The following PDZD2 variants were observed in gnomAD, a reference collection of about 807,000 sequenced individuals.
PDZD2 encodes PDZ domain-containing protein 2.
Under a neutral mutation model 220.7 loss-of-function variants are expected in PDZD2, and 90 were observed. The observed-to-expected ratio is 0.41, with a 90% confidence interval of 0.34 to 0.49. PDZD2 has a LOEUF of 0.49. PDZD2 is among the 20% of genes least tolerant of loss of function. The pLI, the probability that PDZD2 is intolerant of heterozygous loss-of-function variation, is 0.28. For missense variants in PDZD2, 3,174 were observed against 3,608.5 expected, an observed-to-expected ratio of 0.88 and a Z score of 3.08; for synonymous variants, 1,375 against 1,450.5, an observed-to-expected ratio of 0.95 and a Z score of 1.18.
chr5:31,749,802 G>A (rs1362790125), intron 1 of PDZD2, among the ~76,000 whole-genome samples: 2 of 152,150 alleles, frequency 1.3e-5, no homozygotes, highest in Non-Finnish European at 2.9e-5. Context: ...TTCCTGGGTT[G>A]CTCCACAGGC....
intron 2 of PDZD2, among the ~76,000 whole-genome samples, chr5:31,918,167 G>A (rs1743851944): frequency 6.6e-6 from 1 of 152,028 alleles, no homozygotes; most frequent in Admixed American, 6.6e-5. Flanking sequence ...AAGAGCAAGG[G>A]GGAGATCCAC....
intron 2 of PDZD2, among the ~76,000 whole-genome samples, chr5:31,917,652 A>G (rs6894306): frequency 0.92 from 140,662 of 152,352 alleles, 65,121 homozygotes; most frequent in East Asian, 0.98. Context: ...TTCTCACACT[A>G]CTCTAAAGAC....
intron 9 of PDZD2, among the ~76,000 whole-genome samples, chr5:32,053,314 A>G (rs948115188): frequency 3.3e-4 from 50 of 152,254 alleles, no homozygotes; most frequent in African/African-American, 1.2e-3. Flanking sequence ...AAAGGAAATG[A>G]TATGAATAAC....
chr5:31,917,663 A>T (rs1346327894), intron 2 of PDZD2, among the ~76,000 whole-genome samples: 1 of 152,224 alleles, frequency 6.6e-6, no homozygotes, highest in African/African-American at 2.4e-5. Context: ...CTCTAAAGAC[A>T]TACCTGAAGC....
rs3032803 is a variant in PDZD2, at chr5:31,752,073, G to GTTTTTTTTTT, written c.-360-46808_-360-46799dup. On this transcript the variant is annotated intron_variant, in intron 1 of 24. Transcript: ENST00000438447. ...TTGTTTGTTTTATTGTTTTGGGTTT[G>GTTTTTTTTTT]TTTTTTTTTTTTTTTTTCTGAGACA... Among the ~76,000 whole-genome samples, 322 of 95,016 alleles carry GTTTTTTTTTT rather than the reference G, an allele frequency of 3.4e-3. 22 individuals carry two copies. The highest frequency in any genetic ancestry group is 0.013 in the African/African-American group (302 of 23,872). 62.3% of individuals were successfully genotyped at this position (95,016 alleles called of 152,430 possible).
chr5:31,980,035 T>G (rs1750159946), intron 2 of PDZD2, among the ~76,000 whole-genome samples: 1 of 152,218 alleles, frequency 6.6e-6, no homozygotes, highest in African/African-American at 2.4e-5. Context: ...AATAATACTA[T>G]GTTCACTGTT....
intron 2 of PDZD2, among the ~76,000 whole-genome samples, chr5:31,974,361 G>GA (rs35000512): frequency 1.5e-4 from 23 of 150,306 alleles, no homozygotes; most frequent in African/African-American, 4.7e-4. Context: ...AAAGAAAAAA[G>GA]AAAAAAAAAA....
At chr5:32,009,708 G>T (rs1445143717) in intron 5 of PDZD2, among the ~76,000 whole-genome samples, 3 of 152,004 alleles carry the variant, frequency 2.0e-5, no homozygotes, top group Non-Finnish European at 4.4e-5. Context: ...CTCAGCCTGG[G>T]TGACAGAATG....
At chr5:32,030,595 T>C (rs1284511534) in intron 6 of PDZD2, among the ~76,000 whole-genome samples, 2 of 152,240 alleles carry the variant, frequency 1.3e-5, no homozygotes, top group African/African-American at 4.8e-5. Flanking sequence ...TTCTACTGTT[T>C]CTTTGTTTCT....
chr5:31,759,300 A>AC (rs1751490038), intron 1 of PDZD2, among the ~76,000 whole-genome samples: 2 of 152,086 alleles, frequency 1.3e-5, no homozygotes, highest in South Asian at 4.2e-4. Context: ...GTGCACACAC[A>AC]CCCGGCTCTT....
chr5:31,985,417 A>G (rs1484263064), intron 3 of PDZD2, among the ~76,000 whole-genome samples: 1 of 152,250 alleles, frequency 6.6e-6, no homozygotes, highest in Non-Finnish European at 1.5e-5. Flanking sequence ...ACAAAGGGCC[A>G]GGTGCAGGGG....
At chr5:31,714,761 G>T (rs1748336493) in intron 1 of PDZD2, among the ~76,000 whole-genome samples, 1 of 152,092 alleles carries the variant, frequency 6.6e-6, no homozygotes, top group Non-Finnish European at 1.5e-5. Flanking sequence ...TTATTTCTAA[G>T]AAATAAAATG....
chr5:31,829,868 G>A (rs1756458627), intron 2 of PDZD2, among the ~76,000 whole-genome samples: 1 of 151,702 alleles, frequency 6.6e-6, no homozygotes, highest in Admixed American at 6.6e-5. Context: ...CCAACATGGT[G>A]AAACCCTGTC....
intron 1 of PDZD2, among the ~76,000 whole-genome samples, chr5:31,653,861 T>C (rs1474318310): frequency 1.3e-5 from 2 of 152,190 alleles, no homozygotes; most frequent in Non-Finnish European, 2.9e-5. Context: ...CTCAGCTCAC[T>C]GCAACCTCCA....
At chr5:32,075,867 T>A (rs920067986) in intron 18 of PDZD2, among the ~76,000 whole-genome samples, 2 of 152,222 alleles carry the variant, frequency 1.3e-5, no homozygotes, top group Non-Finnish European at 2.9e-5. Context: ...GTCGTTTTTT[T>A]AACCTTATTT....
chr5:31,645,530 T>G (rs543722135), intron 1 of PDZD2, among the ~76,000 whole-genome samples: 1 of 152,258 alleles, frequency 6.6e-6, no homozygotes, highest in East Asian at 1.9e-4. Flanking sequence ...AGAGACGTGG[T>G]TTCACCATGT....
chr5:31,749,603 C>T (rs10056080), intron 1 of PDZD2, among the ~76,000 whole-genome samples: 87,367 of 151,778 alleles, frequency 0.58, 25,241 homozygotes, highest in Middle Eastern at 0.65. Flanking sequence ...TTTGTATTTT[C>T]AGTAGAGACA....
At chr5:31,987,954 C>A (rs140599666) in intron 3 of PDZD2, among the ~76,000 whole-genome samples, 33 of 152,338 alleles carry the variant, frequency 2.2e-4, no homozygotes, top group African/African-American at 7.2e-4. Flanking sequence ...CTTTTGAAAT[C>A]CTGCAGCTCA....
intron 3 of PDZD2, among the ~76,000 whole-genome samples, chr5:31,989,193 C>T (rs998191404): frequency 1.3e-5 from 2 of 152,128 alleles, no homozygotes; most frequent in Non-Finnish European, 2.9e-5. Context: ...TTAGCTCTCA[C>T]CCTGCTTCCC....
Sources: allele counts gnomAD v4.1 joint callset (sites outside exome capture counted in the v4.1 genomes callset), GRCh38; gene constraint gnomAD v4.1.1; transcripts MANE v1.5; gene names NCBI Gene and HGNC (gene_info 2026-07-23, HGNC 2026-07-21).